Variants in ACMSD observed in about 807,000 individuals in gnomAD.
ACMSD encodes the protein aminocarboxymuconate semialdehyde decarboxylase.
ACMSD carries 37 observed loss-of-function variants against 45.9 expected under a neutral mutation model. The ratio of observed to expected loss-of-function variants is 0.81; its 90% CI spans 0.62 to 1.06. The LOEUF is 1.06. Among genes scored for constraint, ACMSD ranks in the 50% least tolerant of loss-of-function variants. The pLI is 0.00. For synonymous variants in ACMSD, 138 were observed against 148.8 expected, an observed-to-expected ratio of 0.93 and a Z score of 0.53; for missense variants, 434 against 420.9, an observed-to-expected ratio of 1.03 and a Z score of -0.27.
chr2:134,844,661 C>A (rs1405389222), intron 1 of ACMSD, among the ~76,000 whole-genome samples: 1 of 152,120 alleles, frequency 6.6e-6, no homozygotes, highest in African/African-American at 2.4e-5. Context: ...AAAGCAGGTT[C>A]CAGGAGAAAG....
rs549637555 is a variant in ACMSD at position 134,853,646 on chromosome 2, GAC to G, written c.103-5613_103-5612del. ...CCACAGCCTTGCCTGAATGTAAAGC[GAC>G]AGAGATCAGGGATTGATTCCTTACA... On this transcript the variant is annotated intron_variant, in intron 2 of 9. Coordinates refer to ENST00000356140, the MANE Select transcript of ACMSD (RefSeq NM_138326.3). 2.4e-3 allele frequency among the ~76,000 whole-genome samples: 365 copies of G among 152,160 alleles called. 1 individual carries two copies. Among genetic ancestry groups the G allele is most frequent in the African/African-American group, 8.3e-3 (344 of 41,500 alleles).
chr2:134,846,641 A>G (rs1687066079), intron 2 of ACMSD, among the ~76,000 whole-genome samples: 1 of 152,154 alleles, frequency 6.6e-6, no homozygotes, highest in Admixed American at 6.6e-5. Context: ...TCCTGGCCTC[A>G]AGTGGTCCTC....
intron 8 of ACMSD, among the ~76,000 whole-genome samples, chr2:134,897,867 T>TTTTTTG (rs552028972): frequency 6.6e-6 from 1 of 150,778 alleles, no homozygotes; most frequent in African/African-American, 2.4e-5. Context: ...TCTTTTTCTA[T>TTTTTTG]TTTTTGTTTT....
intron 8 of ACMSD, among the ~76,000 whole-genome samples, chr2:134,891,862 C>CT (rs1027709277): frequency 1.3e-5 from 2 of 152,064 alleles, no homozygotes; most frequent in African/African-American, 4.8e-5. Context: ...GATAAAGAAA[C>CT]TGTCATATAT....
At chr2:134,852,084 G>T (rs139437828) in intron 2 of ACMSD, among the ~76,000 whole-genome samples, 360 of 152,240 alleles carry the variant, frequency 2.4e-3, no homozygotes, top group African/African-American at 8.2e-3. Flanking sequence ...ACTTAAATTA[G>T]ACTACTTTGA....
At chr2:134,847,397 C>CAGAG (rs1687102711) in intron 2 of ACMSD, among the ~76,000 whole-genome samples, 11 of 81,460 alleles carry the variant, frequency 1.4e-4, no homozygotes. Flanking sequence ...TTTGGGGATA[C>CAGAG]AGATAGATAG....
intron 7 of ACMSD, among the ~76,000 whole-genome samples, chr2:134,872,018 G>A (rs1193249318): frequency 6.7e-6 from 1 of 149,502 alleles, no homozygotes; most frequent in Non-Finnish European, 1.5e-5. Flanking sequence ...GTGCAGTGGT[G>A]CAATCTCGGC....
intron 8 of ACMSD, among the ~76,000 whole-genome samples, chr2:134,878,528 T>C (rs1688871624): frequency 6.6e-6 from 1 of 152,102 alleles, no homozygotes; most frequent in Non-Finnish European, 1.5e-5. Flanking sequence ...GGTTTTGCCA[T>C]GTTGCCCAGG....
chr2:134,886,271 CAG>C (rs1468453926), intron 8 of ACMSD, among the ~76,000 whole-genome samples: 2 of 99,406 alleles, frequency 2.0e-5, no homozygotes, highest in East Asian at 4.7e-4. Flanking sequence ...TTTTTTTTGG[CAG>C]AGTCTCGCTC....
intron 8 of ACMSD, among the ~76,000 whole-genome samples, chr2:134,885,315 A>C (rs1315431987): frequency 9.8e-6 from 1 of 101,578 alleles, no homozygotes; most frequent in South Asian, 2.7e-4. Context: ...AAATATATAT[A>C]TATAAATATA....
At chr2:134,897,716 C>T (rs1411387278) in intron 8 of ACMSD, among the ~76,000 whole-genome samples, 1 of 151,976 alleles carries the variant, frequency 6.6e-6, no homozygotes, top group Non-Finnish European at 1.5e-5. Context: ...TGACACAGTG[C>T]TTAATATATT....
At chr2:134,875,174 T>C (rs987677204) in intron 8 of ACMSD, among the ~76,000 whole-genome samples, 1 of 152,272 alleles carries the variant, frequency 6.6e-6, no homozygotes, top group Non-Finnish European at 1.5e-5. Flanking sequence ...CTCTTTTTTT[T>C]ATTTTTTGTA....
intron 2 of ACMSD, among the ~76,000 whole-genome samples, chr2:134,852,840 T>C: frequency 6.6e-6 from 1 of 151,550 alleles, no homozygotes; most frequent in East Asian, 1.9e-4. Context: ...GGGAGGAGAA[T>C]GGAAATCTGA....
chr2:134,882,751 T>C (rs1014588390), intron 8 of ACMSD, among the ~76,000 whole-genome samples: 2 of 152,212 alleles, frequency 1.3e-5, no homozygotes, highest in South Asian at 2.1e-4. Context: ...AATGGGAAGA[T>C]AATTAAGTGT....
At chr2:134,863,372 T>C (rs1573647125) in intron 4 of ACMSD, 23 bp from the exon 5 acceptor site, 1 of 1,608,502 alleles carries the variant, frequency 6.2e-7, no homozygotes, top group Non-Finnish European at 8.5e-7. Flanking sequence ...ACAATGCGGT[T>C]TTCCCTTTCC....
At chr2:134,897,288 G>A (rs1018908958) in intron 8 of ACMSD, among the ~76,000 whole-genome samples, 1 of 152,074 alleles carries the variant, frequency 6.6e-6, no homozygotes, top group Non-Finnish European at 1.5e-5. Context: ...GGGTCTATAG[G>A]TACCTTATTG....
chr2:134,849,428 TATGCAAATGTAAACAAC>T (rs1388083673), intron 2 of ACMSD, among the ~76,000 whole-genome samples: 2 of 152,130 alleles, frequency 1.3e-5, no homozygotes, highest in East Asian at 1.9e-4. Flanking sequence ...TAGAAAACAA[TATGCAAATGTAAACAAC>T]ATGCAAATGT....
chr2:134,845,508 G>GTTCTCTCT (rs1339823151), intron 2 of ACMSD, among the ~76,000 whole-genome samples: 54 of 81,016 alleles, frequency 6.7e-4, no homozygotes, highest in Middle Eastern at 9.8e-3. Context: ...CACATTAAAA[G>GTTCTCTCT]GTCTCTCTCT....
intron 8 of ACMSD, among the ~76,000 whole-genome samples, chr2:134,888,780 T>C (rs1689607022): frequency 1.3e-5 from 2 of 152,166 alleles, no homozygotes. Context: ...TATGAAGTTC[T>C]TGAAGAGGCA....
Sources: allele counts gnomAD v4.1 joint callset (sites outside exome capture counted in the v4.1 genomes callset), GRCh38; gene constraint gnomAD v4.1.1; transcripts MANE v1.5; gene names NCBI Gene and HGNC (gene_info 2026-07-23, HGNC 2026-07-21).